The following RGS6 variants were observed in gnomAD, a reference collection of about 807,000 sequenced individuals.
RGS6 encodes the protein regulator of G protein signaling 6, also known as regulator of G-protein signaling 6.
Under a neutral mutation model 78.5 loss-of-function variants are expected in RGS6, and 30 were observed. That is an observed-to-expected ratio of 0.38 (90% confidence interval 0.29 to 0.52). RGS6 has a LOEUF of 0.52. Ranked by LOEUF, RGS6 falls within the 20% of genes least tolerant of loss-of-function variation. The pLI, the probability that RGS6 is intolerant of heterozygous loss-of-function variation, is 0.85. For missense variants in RGS6, 495 were observed against 609.7 expected (o/e 0.81, Z 1.98); for synonymous variants, 206 against 206.0 (o/e 1.00, Z 0.00).
At chr14:72,371,901 A>G (rs1187501059) in intron 3 of RGS6, among the ~76,000 whole-genome samples, 4 of 152,232 alleles carry the variant, frequency 2.6e-5, no homozygotes, top group Admixed American at 1.3e-4. Context: ...AGTGGACATC[A>G]TGCTCTGGAG....
chr14:72,163,773 C>A (rs2096885681), intron 2 of RGS6, among the ~76,000 whole-genome samples: 2 of 151,684 alleles, frequency 1.3e-5, no homozygotes, highest in African/African-American at 4.8e-5. Context: ...ATCGCAACTA[C>A]TCAGGAGGCT....
At chr14:72,600,522 C>G in the RGS6 span, among the ~76,000 whole-genome samples, 3 of 151,934 alleles carry the variant, frequency 2.0e-5, no homozygotes, top group South Asian at 6.2e-4. Context: ...GGCATTTAAG[C>G]TTTGGGGGTG....
rs117792831 is a variant in RGS6 at position 72,002,442 on chromosome 14, C to T, written c.84+37567C>T. On this transcript the variant is annotated intron_variant, in intron 2 of 17. Transcript: ENST00000553525. ...ATTTCAGTGTCTAAGGTTTGTATAA[C>T]ATCAGGTTGGTTTCTGGTAGTACGT... Among the ~76,000 whole-genome samples, 21 of 152,254 alleles carry T rather than the reference C, an allele frequency of 1.4e-4. No homozygotes were observed. The East Asian group carries it at 3.5e-3, about 25-fold the overall frequency.
intron 17 of RGS6, among the ~76,000 whole-genome samples, chr14:72,552,121 T>G (rs906440003): frequency 3.9e-5 from 6 of 152,176 alleles, no homozygotes; most frequent in Admixed American, 3.9e-4. Flanking sequence ...TGGTTGAGGG[T>G]GGGTACGTGG....
At chr14:72,283,588 C>T (rs2061956217) in intron 2 of RGS6, among the ~76,000 whole-genome samples, 1 of 152,124 alleles carries the variant, frequency 6.6e-6, no homozygotes, top group Non-Finnish European at 1.5e-5. Context: ...TTTTGCCTTC[C>T]ACCATGATTG....
chr14:72,335,294 A>T (rs1202711632), intron 2 of RGS6, among the ~76,000 whole-genome samples: 2 of 152,078 alleles, frequency 1.3e-5, no homozygotes, highest in Non-Finnish European at 2.9e-5. Flanking sequence ...CATGTTGCAG[A>T]CCACTTTTCC....
chr14:71,992,716 T>C (rs936058870), intron 2 of RGS6, among the ~76,000 whole-genome samples: 2 of 152,212 alleles, frequency 1.3e-5, no homozygotes, highest in African/African-American at 4.8e-5. Flanking sequence ...ACACATGCAT[T>C]TTAAGGTTTT....
intron 12 of RGS6, among the ~76,000 whole-genome samples, chr14:72,492,074 G>C (rs1425303892): frequency 1.3e-5 from 2 of 152,210 alleles, no homozygotes; most frequent in Non-Finnish European, 2.9e-5. Context: ...GCACTGAACT[G>C]TGGGGCCTGT....
intron 2 of RGS6, among the ~76,000 whole-genome samples, chr14:72,108,478 T>C (rs1016701565): frequency 6.6e-5 from 10 of 151,894 alleles, no homozygotes; most frequent in Admixed American, 3.3e-4. Flanking sequence ...TGATTTATAG[T>C]TTTTAAAATT....
chr14:72,299,986 A>G (rs893818907), intron 2 of RGS6, among the ~76,000 whole-genome samples: 3 of 151,950 alleles, frequency 2.0e-5, no homozygotes, highest in East Asian at 1.9e-4. Context: ...TGTTAATTTT[A>G]TATTTCATTT....
intron 2 of RGS6, among the ~76,000 whole-genome samples, chr14:72,052,014 C>CT (rs1186680300): frequency 6.6e-6 from 1 of 152,124 alleles, no homozygotes; most frequent in Non-Finnish European, 1.5e-5. Flanking sequence ...AGGAGATCTG[C>CT]TAGGTACCTG....
intron 3 of RGS6, among the ~76,000 whole-genome samples, chr14:72,357,044 G>A (rs1049537040): frequency 7.9e-5 from 12 of 152,180 alleles, no homozygotes; most frequent in African/African-American, 2.9e-4. Context: ...GCCATGGCAG[G>A]TGGATCATTT....
At chr14:72,208,758 G>A (rs847293) in intron 2 of RGS6, among the ~76,000 whole-genome samples, 143,298 of 152,264 alleles carry the variant, frequency 0.94, 67,722 homozygotes, top group South Asian at 1. Flanking sequence ...GGCATAATAG[G>A]ATGGGAAAAG....
At chr14:72,312,820 C>A (rs1256285510) in intron 2 of RGS6, among the ~76,000 whole-genome samples, 1 of 152,106 alleles carries the variant, frequency 6.6e-6, no homozygotes, top group Non-Finnish European at 1.5e-5. Flanking sequence ...AGGGTGTTAC[C>A]ATCAAATCCC....
At chr14:72,308,893 A>T (rs1463036280) in intron 2 of RGS6, among the ~76,000 whole-genome samples, 2 of 152,166 alleles carry the variant, frequency 1.3e-5, no homozygotes, top group African/African-American at 2.4e-5. Context: ...AAATGATATG[A>T]ATCATCAAGT....
chr14:71,978,277 T>A (rs1186327799), intron 2 of RGS6, among the ~76,000 whole-genome samples: 1 of 128,914 alleles, frequency 7.8e-6, no homozygotes, highest in African/African-American at 2.8e-5. Flanking sequence ...CTAATTGCCC[T>A]GGCCAGAACT....
intron 3 of RGS6, among the ~76,000 whole-genome samples, chr14:72,361,769 T>G (rs2081503169): frequency 6.6e-6 from 1 of 152,118 alleles, no homozygotes; most frequent in African/African-American, 2.4e-5. Context: ...AGCAGATGAC[T>G]TTCACAATAA....
chr14:72,328,453 C>A (rs1002646101), intron 2 of RGS6, among the ~76,000 whole-genome samples: 1 of 152,124 alleles, frequency 6.6e-6, no homozygotes, highest in Non-Finnish European at 1.5e-5. Flanking sequence ...AGAAATGGTT[C>A]CTACTTTCAC....
At chr14:72,353,435 A>G (rs2079532056) in intron 3 of RGS6, among the ~76,000 whole-genome samples, 1 of 152,148 alleles carries the variant, frequency 6.6e-6, no homozygotes, top group African/African-American at 2.4e-5. Context: ...ATTAATCTCT[A>G]GGTCATTTTT....
Sources: allele counts gnomAD v4.1 joint callset (sites outside exome capture counted in the v4.1 genomes callset), GRCh38; gene constraint gnomAD v4.1.1; transcripts MANE v1.5; gene names NCBI Gene and HGNC (gene_info 2026-07-23, HGNC 2026-07-21).